The following ARSG variants were observed in gnomAD, a reference collection of about 807,000 sequenced individuals.
The protein encoded by ARSG is ASG.
In ARSG, 37 loss-of-function variants were observed where a neutral mutation model predicts 50.5. The observed-to-expected ratio is 0.73, with a 90% CI of 0.56 to 0.96. The LOEUF (loss-of-function observed/expected upper bound fraction) is 0.96, where lower values mean the gene tolerates loss of function less well. Ranked by LOEUF, ARSG falls within the 50% of genes least tolerant of loss-of-function variation. The pLI is 0.00. For missense variants in ARSG, 629 were observed against 675.3 expected, an observed-to-expected ratio of 0.93 and a Z score of 0.76; for synonymous variants, 225 against 254.6, an observed-to-expected ratio of 0.88 and a Z score of 1.11.
At chr17:68,285,142 CA>C (rs1252699132) in intron 1 of ARSG, among the ~76,000 whole-genome samples, 1 of 152,204 alleles carries the variant, frequency 6.6e-6, no homozygotes, top group Non-Finnish European at 1.5e-5. Context: ...GATTCAACCA[CA>C]TCTTGCCAGA....
intron 2 of ARSG, among the ~76,000 whole-genome samples, chr17:68,309,042 C>T (rs566832460): frequency 8.3e-4 from 127 of 152,350 alleles, no homozygotes; most frequent in African/African-American, 2.9e-3. Context: ...CTGCAGGTCC[C>T]GAGCCCTGCC....
chr17:68,270,399 C>A (rs2075297795), intron 1 of ARSG, among the ~76,000 whole-genome samples: 1 of 151,936 alleles, frequency 6.6e-6, no homozygotes, highest in African/African-American at 2.4e-5. Flanking sequence ...ACTAAAAATA[C>A]AAAAATTAGC....
At chr17:68,421,881 A>G, downstream of ARSG, 3 of 1,606,796 alleles carry the variant, frequency 1.9e-6, no homozygotes, top group South Asian at 3.3e-5. Flanking sequence ...AGGCAGGTGC[A>G]TTATCAACAG....
chr17:68,433,692 C>T, the ARSG span: 1 of 667,148 alleles, frequency 1.5e-6, no homozygotes, highest in Non-Finnish European at 2.6e-6. Flanking sequence ...TAGGTAGACC[C>T]AGATCCCTTA....
intron 6 of ARSG, among the ~76,000 whole-genome samples, chr17:68,358,636 C>T (rs925215218): frequency 6.6e-6 from 1 of 151,886 alleles, no homozygotes; most frequent in Non-Finnish European, 1.5e-5. Context: ...TTGCAGTGAG[C>T]CCAGATTGTG....
At chr17:68,436,744 C>A in the ARSG span, among the ~76,000 whole-genome samples, 7 of 152,206 alleles carry the variant, frequency 4.6e-5, no homozygotes, top group Non-Finnish European at 8.8e-5. Flanking sequence ...GTGGCTCATG[C>A]CTGTAATTCC....
intron 8 of ARSG, among the ~76,000 whole-genome samples, chr17:68,374,452 C>G (rs2080042511): frequency 6.6e-6 from 1 of 152,164 alleles, no homozygotes; most frequent in African/African-American, 2.4e-5. Context: ...TATCTGAGGA[C>G]TTGCCTTATT....
At chr17:68,312,417 C>T (rs2145691131) in intron 2 of ARSG, among the ~76,000 whole-genome samples, 1 of 152,282 alleles carries the variant, frequency 6.6e-6, no homozygotes, top group Non-Finnish European at 1.5e-5. Flanking sequence ...GCGTGGGTTG[C>T]CAAATGCTTA....
chr17:68,304,359 G>A (rs1193979649), intron 1 of ARSG, among the ~76,000 whole-genome samples: 1 of 152,206 alleles, frequency 6.6e-6, no homozygotes. Context: ...TTGAGTTTGA[G>A]ATAATACATC....
rs189018444 is a variant in ARSG, at chr17:68,263,997, A to G, written c.-552+4571A>G. On this transcript the variant is annotated intron_variant, in intron 1 of 11. Coordinates refer to the ARSG transcript ENST00000448504. ...CTCAGCCCCCCGAGTAGCTGGGATT[A>G]CAGGCACGCACCAACATGTCCGGCT... 2.1e-3 allele frequency among the ~76,000 whole-genome samples: 316 copies of G among 152,202 alleles called. 3 individuals are homozygous for G. The highest frequency in any genetic ancestry group is 0.01 in the Middle Eastern group (3 of 294).
intron 1 of ARSG, among the ~76,000 whole-genome samples, chr17:68,281,500 G>A (rs1179280005): frequency 6.6e-6 from 1 of 151,392 alleles, no homozygotes; most frequent in African/African-American, 2.4e-5. Flanking sequence ...ACTTGAACCT[G>A]GGAGGTGGAG....
intron 10 of ARSG, among the ~76,000 whole-genome samples, chr17:68,398,807 A>G (rs984576417): frequency 1.3e-5 from 2 of 152,188 alleles, no homozygotes; most frequent in Non-Finnish European, 2.9e-5. Flanking sequence ...TCGAAACCAC[A>G]TCAGCTGACA....
At chr17:68,268,287 A>G (rs1365109607) in intron 1 of ARSG, 1 of 152,598 alleles carries the variant, frequency 6.6e-6, no homozygotes, top group African/African-American at 2.4e-5. Flanking sequence ...TAAAGACACT[A>G]CAGTCACATA....
rs187662579 is a variant in ARSG at position 68,265,475 on chromosome 17, C to T, written c.-552+6049C>T. 2.0e-5 allele frequency among the ~76,000 whole-genome samples: 3 copies of T among 152,334 alleles called. No homozygotes were observed. The East Asian group carries it at 5.8e-4, about 29-fold the overall frequency. The stretch of plus-strand genomic sequence containing the variant: ...TGCCACTGCACTCCAGTCTGGGCGA[C>T]AGAGCAAGACTCTGTCTCAAAACAA... On this transcript the variant is annotated intron_variant, in intron 1 of 11. Transcript: ENST00000448504.
upstream of ARSG, among the ~76,000 whole-genome samples, chr17:68,289,714 C>T (rs2075924956): frequency 6.6e-6 from 1 of 152,198 alleles, no homozygotes; most frequent in Non-Finnish European, 1.5e-5. Context: ...AACCGAGTCA[C>T]CATTTTACAA....
At chr17:68,450,227 T>G in the ARSG span, among the ~76,000 whole-genome samples, 1 of 152,184 alleles carries the variant, frequency 6.6e-6, no homozygotes, top group South Asian at 2.1e-4. Context: ...CAAGGCTGAA[T>G]AGCAGACCTT....
chr17:68,307,163 A>T lies in ARSG; in HGVS notation c.-331A>T. 3.6e-6 allele frequency: 1 copy of T among 274,800 alleles called. No individual in the cohort carries two copies. The allele number at this position is 274,800 out of a possible 1,614,324, so 17.0% of individuals were successfully genotyped here. ...CTTAGTGGCCAAAGAGCAGTTGTTGACATTGATGTCTAATTATTGAACACG... is the reference window on the plus strand; with the variant it reads ...CTTAGTGGCCAAAGAGCAGTTGTTGTCATTGATGTCTAATTATTGAACACG... On this transcript the variant is annotated 5_prime_UTR_variant, in exon 2 of 12. Coordinates refer to ENST00000621439, the MANE Select transcript of ARSG (RefSeq NM_001267727.2).
intron 1 of ARSG, among the ~76,000 whole-genome samples, chr17:68,263,897 G>A (rs141431775): frequency 6.6e-6 from 1 of 151,594 alleles, no homozygotes; most frequent in Middle Eastern, 3.4e-3. Context: ...TTGCTCTGTC[G>A]CCCAGGCTAG....
chr17:68,339,964 C>G lies in ARSG; in HGVS notation c.219-3640C>G, dbSNP rs2078195555. On this transcript the variant is annotated intron_variant, in intron 2 of 11. Coordinates refer to ENST00000621439, the MANE Select transcript of ARSG (RefSeq NM_001267727.2). The stretch of plus-strand genomic sequence containing the variant: ...TTAGCTGGGGGATGGGTTGATTTGG[C>G]TGCACCAAAGAAAAAAGAAAATAGA... 3.3e-5 allele frequency among the ~76,000 whole-genome samples: 5 copies of G among 152,160 alleles called. No homozygotes were observed. The South Asian group carries it at 1.0e-3, about 32-fold the overall frequency.
Sources: allele counts gnomAD v4.1 joint callset (sites outside exome capture counted in the v4.1 genomes callset), GRCh38; gene constraint gnomAD v4.1.1; transcripts MANE v1.5; gene names NCBI Gene and HGNC (gene_info 2026-07-23, HGNC 2026-07-21).